PLEKHA7: variants seen among roughly 807,000 people sequenced by gnomAD.
PLEKHA7 encodes pleckstrin homology domain containing A7.
PLEKHA7 carries 104 observed loss-of-function variants against 170.0 expected under a neutral mutation model. The ratio of observed to expected loss-of-function variants is 0.61; its 90% CI spans 0.52 to 0.72. PLEKHA7 has a LOEUF of 0.72. Ranked by LOEUF, PLEKHA7 falls within the 30% of genes least tolerant of loss-of-function variation. The probability of loss-of-function intolerance (pLI) is 0.00; values close to 1 mark genes in which losing one functional copy is unlikely to be tolerated. For missense variants in PLEKHA7, 1,615 were observed against 1,671.7 expected (o/e 0.97, Z 0.59); for synonymous variants, 648 against 660.8 (o/e 0.98, Z 0.30).
At chr11:16,840,475 G>A (rs1468516327) in intron 9 of PLEKHA7, among the ~76,000 whole-genome samples, 10 of 152,230 alleles carry the variant, frequency 6.6e-5, no homozygotes, top group East Asian at 1.9e-4. Context: ...CAGGAGAATC[G>A]CTTGAATCCA....
At chr11:17,009,006 G>A (rs4757487) in intron 3 of PLEKHA7, among the ~76,000 whole-genome samples, 96,520 of 152,024 alleles carry the variant, frequency 0.63, 31,293 homozygotes, top group East Asian at 0.96. Flanking sequence ...TAGGAGACCA[G>A]GGGGTACTGC....
At chr11:16,912,692 G>C (rs2136169430) in intron 3 of PLEKHA7, among the ~76,000 whole-genome samples, 1 of 152,286 alleles carries the variant, frequency 6.6e-6, no homozygotes, top group Non-Finnish European at 1.5e-5. Flanking sequence ...AGGATCTCCA[G>C]GTGCTGTGAT....
intron 4 of PLEKHA7, among the ~76,000 whole-genome samples, chr11:16,868,105 C>T (rs1476075069): frequency 6.6e-6 from 1 of 152,124 alleles, no homozygotes; most frequent in East Asian, 1.9e-4. Flanking sequence ...TCAGTTTAAA[C>T]CACATCCCTT....
chr11:16,969,218 G>A (rs1452343937), intron 3 of PLEKHA7, among the ~76,000 whole-genome samples: 1 of 152,134 alleles, frequency 6.6e-6, no homozygotes, highest in East Asian at 1.9e-4. Context: ...GAGTGCTTGA[G>A]CTGTGAGGGA....
intron 3 of PLEKHA7, among the ~76,000 whole-genome samples, chr11:16,998,586 G>C (rs1864477302): frequency 6.6e-6 from 1 of 152,112 alleles, no homozygotes; most frequent in Admixed American, 6.5e-5. Flanking sequence ...AAACCATCCA[G>C]TGCCAAACAC....
At position 16,803,049 on chromosome 11, in the gene PLEKHA7, T is replaced by C. The variant is rs751435351; in HGVS notation, c.2080A>G (p.Lys694Glu). ...TCTTGTTCACAGAAGATGCTCAGTT[T>C]GACCTAAAAGCAAGAACAGGTGGAG... ...VKIAESDTDVKLSIFCEQDRV... is the reference protein window; with the variant it reads ...VKIAESDTDVELSIFCEQDRV... The change falls in exon 15 of 27, where the codon AAA becomes GAA. Residue 694 changes from lysine to glutamate, a missense_variant. Physicochemically the swap from Lys to Glu is moderately conservative, Grantham distance 56 (BLOSUM62 1). Coordinates refer to ENST00000531066, the MANE Select transcript of PLEKHA7 (RefSeq NM_001329630.2). 3.1e-6 allele frequency: 5 copies of C among 1,614,126 alleles called. No individual in the cohort carries two copies. In the East Asian group the frequency reaches 1.1e-4, roughly 36 times the overall value.
intron 3 of PLEKHA7, among the ~76,000 whole-genome samples, chr11:16,999,365 A>C (rs947726048): frequency 6.6e-6 from 1 of 152,002 alleles, no homozygotes; most frequent in African/African-American, 2.4e-5. Context: ...CTAAGTGGTC[A>C]CGGGGTTCCA....
intron 16 of PLEKHA7, 75 bp downstream of exon 16, chr11:16,801,593 C>T: frequency 6.4e-7 from 1 of 1,570,704 alleles, no homozygotes. Context: ...AACTCAACTA[C>T]ATCTTGGGAG....
chr11:16,815,199 G>GT (rs1352056798), intron 12 of PLEKHA7: 4 of 152,768 alleles, frequency 2.6e-5, no homozygotes, highest in Admixed American at 1.3e-4. Context: ...AGGTCAGCTG[G>GT]TGCTGCAGTA....
At chr11:16,814,648 G>C (rs189722933) in intron 12 of PLEKHA7, among the ~76,000 whole-genome samples, 4 of 152,336 alleles carry the variant, frequency 2.6e-5, no homozygotes, top group African/African-American at 9.6e-5. Flanking sequence ...GAGGGATCCT[G>C]AGCAAGTCAC....
chr11:16,833,981 T>TTATATATATA (rs10525520), intron 9 of PLEKHA7, among the ~76,000 whole-genome samples: 10 of 151,282 alleles, frequency 6.6e-5, no homozygotes, highest in African/African-American at 9.7e-5. Context: ...CTCAGGAGTT[T>TTATATATATA]TATATATAGA....
Position 16,841,610 on chromosome 11 carries a change from A to T in PLEKHA7, c.809T>A (p.Met270Lys). ...YYFSADTQED[M>K]NAWVRAMNQA... ...GTTCATGGCCCTGACCCAAGCGTTC[A>T]TGTCCTCCTGGGTGTCGGCACTGAA... The change falls in exon 9 of 27, where the codon ATG becomes AAG. Residue 270 changes from methionine (M) to lysine (K), a missense_variant. Physicochemically the swap from Met to Lys is moderately conservative, Grantham distance 95. Coordinates refer to ENST00000531066, the MANE Select transcript of PLEKHA7 (RefSeq NM_001329630.2). 1 of 1,614,080 alleles carries T rather than the reference A, an allele frequency of 6.2e-7. No homozygotes were observed. The highest frequency in any genetic ancestry group is 8.5e-7 in the Non-Finnish European group (1 of 1,180,014).
chr11:16,942,696 T>C (rs1304262599), intron 3 of PLEKHA7, among the ~76,000 whole-genome samples: 1 of 152,240 alleles, frequency 6.6e-6, no homozygotes, highest in African/African-American at 2.4e-5. Context: ...AGCAGTTTGA[T>C]TCCAAGCCCA....
intron 3 of PLEKHA7, among the ~76,000 whole-genome samples, chr11:16,972,938 A>T (rs1033473766): frequency 3.3e-5 from 5 of 152,176 alleles, no homozygotes; most frequent in Non-Finnish European, 5.9e-5. Flanking sequence ...GCCTCCAGAA[A>T]ATCCATTGGC....
In PLEKHA7 at chr11:16,801,729, T is replaced by C; in HGVS notation, c.2246A>G (p.Gln749Arg). The C allele has an allele frequency of 1.2e-6, 2 of 1,614,160 alleles. No homozygotes were observed. The highest frequency in any genetic ancestry group is 1.7e-6 in the Non-Finnish European group (2 of 1,180,008). The change falls in exon 16 of 27, where the codon CAG becomes CGG. Residue 749 changes from glutamine to arginine, a missense_variant. Gln to Arg is a conservative substitution (Grantham distance 43). Transcript: ENST00000531066. ...AAGGTCCTCCTGCAGCAACTTCTGCTGGTAGGCAATCTTCTCCAAGTGCTG... is the reference window on the plus strand; with the variant it reads ...AAGGTCCTCCTGCAGCAACTTCTGCCGGTAGGCAATCTTCTCCAAGTGCTG... ...QPQHLEKIAY[Q>R]QKLLQEDLVH...
Position 16,803,014 on chromosome 11 carries a change from G to A in PLEKHA7, c.2115C>T (p.Leu705=), listed in dbSNP as rs1411963292. 6.2e-7 allele frequency: 1 copy of A among 1,614,010 alleles called. No homozygotes were observed. Residue 705 remains leucine (L), a synonymous_variant, in exon 15 of 27, where the codon CTC becomes CTT. Transcript: ENST00000531066. ...CTCGTATCTTGTCTTCCAAGTCCTGGAGGACCCTGTCTTGTTCACAGAAGA... is the reference window on the plus strand; with the variant it reads ...CTCGTATCTTGTCTTCCAAGTCCTGAAGGACCCTGTCTTGTTCACAGAAGA... ...LSIFCEQDRV[L]QDLEDKIRAL...
intron 3 of PLEKHA7, among the ~76,000 whole-genome samples, chr11:16,988,113 CT>C (rs1177784992): frequency 1.3e-5 from 2 of 152,248 alleles, no homozygotes; most frequent in African/African-American, 4.8e-5. Context: ...ATGTGATCCC[CT>C]TTCACAGAGA....
intron 4 of PLEKHA7, among the ~76,000 whole-genome samples, chr11:16,856,472 A>G (rs1384932635): frequency 6.6e-6 from 1 of 152,172 alleles, no homozygotes; most frequent in Non-Finnish European, 1.5e-5. Flanking sequence ...GGAACACTCC[A>G]TTTGCCCCAA....
At chr11:16,966,161 C>A (rs113402039) in intron 3 of PLEKHA7, among the ~76,000 whole-genome samples, 1 of 151,918 alleles carries the variant, frequency 6.6e-6, no homozygotes, top group African/African-American at 2.4e-5. Flanking sequence ...CCAGCCTGGG[C>A]GACAGAGCAA....
Sources: gnomAD v4.1 joint callset for allele counts (sites outside exome capture counted in the v4.1 genomes callset) on GRCh38, gnomAD v4.1.1 for gene constraint, MANE v1.5 for transcripts, NCBI Gene and HGNC (gene_info 2026-07-23, HGNC 2026-07-21) for gene names.